Variants in PDS5A observed in about 807,000 individuals in gnomAD.
The protein encoded by PDS5A is PDS5 cohesin associated factor A, also known as sister chromatid cohesion protein PDS5 homolog A.
In PDS5A, 42 loss-of-function variants were observed where a neutral mutation model predicts 167.1. That is an observed-to-expected ratio of 0.25 (90% CI 0.20 to 0.33). PDS5A has a LOEUF of 0.33. Ranked by LOEUF, PDS5A falls within the 10% of genes least tolerant of loss-of-function variation. PDS5A has a pLI of 1.00. For missense variants in PDS5A, 1,033 were observed against 1,605.9 expected (o/e 0.64, Z 6.10); for synonymous variants, 553 against 554.6 (o/e 1.00, Z 0.04).
At chr4:39,912,338 T>C (rs1260036744) in intron 9 of PDS5A, among the ~76,000 whole-genome samples, 13 of 152,280 alleles carry the variant, frequency 8.5e-5, no homozygotes, top group South Asian at 2.1e-4. Context: ...AAGCCTTGCG[T>C]TTTTGCTTAA....
rs903861969 is a variant in PDS5A, at chr4:39,977,066, C to G, written c.-41+391G>C. Among the ~76,000 whole-genome samples the G allele has an allele frequency of 6.6e-6, 1 of 152,142 alleles. No homozygotes were observed. Among genetic ancestry groups the G allele is most frequent in the African/African-American group, 2.4e-5 (1 of 41,448 alleles). ...CCGCAAAACTAGGGACCCAGCGGACCCACGCGCAGCGGCGGCTGCCGGGAA... is the reference window on the plus strand; with the variant it reads ...CCGCAAAACTAGGGACCCAGCGGACGCACGCGCAGCGGCGGCTGCCGGGAA... On this transcript the variant is annotated intron_variant, in intron 1 of 32. Transcript: ENST00000303538. This position sits in a 1 kb window ranked among gnomAD's most constrained non-coding sequence, Gnocchi z 4.2.
chr4:39,862,408 C>A, intron 25 of PDS5A, 75 bp from the exon 26 acceptor site: 1 of 587,510 alleles, frequency 1.7e-6, no homozygotes, highest in Non-Finnish European at 3.0e-6. Flanking sequence ...CTTAAGTTTT[C>A]ATTTTTTCCC....
chr4:39,846,035 A>C, intron 28 of PDS5A, 155 bp from the exon 29 acceptor site: 2 of 612,558 alleles, frequency 3.3e-6, no homozygotes, highest in Non-Finnish European at 4.6e-6. Flanking sequence ...AATCAAAACA[A>C]TCAAAGCCAT....
chr4:39,922,779 T>G (rs560747497), intron 5 of PDS5A, 31 bp from the exon 6 acceptor site: 14 of 1,384,530 alleles, frequency 1.0e-5, no homozygotes, highest in South Asian at 3.8e-5. Flanking sequence ...GAATAAGTAG[T>G]AGGAGGAGGA....
chr4:39,908,623 TA>T (rs1283585234), intron 10 of PDS5A, 83 bp from the exon 11 acceptor site: 2 of 839,276 alleles, frequency 2.4e-6, no homozygotes, highest in Non-Finnish European at 3.8e-6. Flanking sequence ...AGAAATATGT[TA>T]AGTTTTTGTC....
intron 11 of PDS5A, 131 bp downstream of exon 11, chr4:39,908,264 G>T: frequency 1.3e-6 from 1 of 750,298 alleles, no homozygotes; most frequent in Non-Finnish European, 2.3e-6. Flanking sequence ...ATACAAATTA[G>T]GAGCTCTTTA....
At chr4:39,843,665 C>G (rs1042937066) in intron 30 of PDS5A, among the ~76,000 whole-genome samples, 2 of 152,144 alleles carry the variant, frequency 1.3e-5, no homozygotes, top group African/African-American at 4.8e-5. Flanking sequence ...CATCCCATCA[C>G]TGCACTCCAG....
intron 26 of PDS5A, 68 bp downstream of exon 26, chr4:39,862,151 C>T (rs1578625303): frequency 1.8e-6 from 1 of 540,864 alleles, no homozygotes; most frequent in South Asian, 3.7e-5. Context: ...AAATAATAAA[C>T]AAAAAATTTA....
intron 2 of PDS5A, among the ~76,000 whole-genome samples, chr4:39,957,548 G>A (rs766253205): frequency 6.4e-4 from 98 of 152,156 alleles, no homozygotes; most frequent in Non-Finnish European, 1.2e-3. Flanking sequence ...CACTTTGGGA[G>A]GCCAAAGAGG....
In PDS5A at chr4:39,922,768, A is replaced by AG; in HGVS notation, c.528-21dup. On this transcript the variant is annotated intron_variant, in intron 5 of 32. Coordinates refer to ENST00000303538, the MANE Select transcript of PDS5A (RefSeq NM_001100399.2). ...CTATTGCTATAAAAAAAAAAAAAAA[A>AG]GAATAAGTAGTAGGAGGAGGAAAAG... The AG allele has an allele frequency of 6.9e-7, 1 of 1,450,064 alleles. No individual in the cohort carries two copies. Among genetic ancestry groups the AG allele is most frequent in the Non-Finnish European group, 9.1e-7 (1 of 1,097,916 alleles). The allele number at this position is 1,450,064 out of a possible 1,614,324, so 89.8% of individuals were successfully genotyped here. A position where few individuals can be genotyped will look rare whatever the true frequency, so the allele number is the denominator to read the frequency against.
chr4:39,832,258 G>T (rs1715970544), intron 32 of PDS5A, among the ~76,000 whole-genome samples: 1 of 151,532 alleles, frequency 6.6e-6, no homozygotes, highest in Non-Finnish European at 1.5e-5. Context: ...CTGTCGCCCA[G>T]GCTGGAGTGC....
intron 11 of PDS5A, 122 bp from the exon 12 acceptor site, chr4:39,904,313 T>C (rs1339172554): frequency 9.8e-6 from 5 of 512,716 alleles, no homozygotes; most frequent in African/African-American, 4.0e-5. Flanking sequence ...TGGCACACTA[T>C]TTCTCTTCAA....
intron 22 of PDS5A, among the ~76,000 whole-genome samples, chr4:39,867,778 CA>C (rs1343030966): frequency 7.2e-6 from 1 of 139,036 alleles, no homozygotes; most frequent in Non-Finnish European, 1.6e-5. Context: ...ACACACACCC[CA>C]CAACTGTACT....
chr4:39,916,196 A>C (rs576397424), intron 8 of PDS5A, among the ~76,000 whole-genome samples: 378 of 75,664 alleles, frequency 5.0e-3, no homozygotes, highest in South Asian at 0.013. Flanking sequence ...CGTCTCAAAA[A>C]AACAACAACA....
chr4:39,959,817 G>C (rs532515476), intron 2 of PDS5A, among the ~76,000 whole-genome samples: 3 of 151,806 alleles, frequency 2.0e-5, no homozygotes, highest in African/African-American at 7.3e-5. Context: ...TAGGCCAGGC[G>C]TGGTGGTTCA....
chr4:39,840,874 C>A (rs1351169662), intron 31 of PDS5A, among the ~76,000 whole-genome samples: 2 of 152,004 alleles, frequency 1.3e-5, no homozygotes, highest in Admixed American at 6.6e-5. Context: ...CCTGTCTCGA[C>A]CTCTTGAGTA....
intron 2 of PDS5A, among the ~76,000 whole-genome samples, chr4:39,971,658 C>T (rs955631040): frequency 6.6e-6 from 1 of 152,078 alleles, no homozygotes; most frequent in African/African-American, 2.4e-5. Flanking sequence ...TGGGGTTTCA[C>T]CATGTTGGCC....
intron 2 of PDS5A, among the ~76,000 whole-genome samples, chr4:39,937,343 CAT>C (rs1031567376): frequency 1.4e-5 from 2 of 141,704 alleles, no homozygotes; most frequent in African/African-American, 4.9e-5. Flanking sequence ...TATTATATGT[CAT>C]ATAATTTAAA....
intron 31 of PDS5A, among the ~76,000 whole-genome samples, chr4:39,839,505 G>A (rs1174523266): frequency 1.3e-5 from 2 of 151,962 alleles, no homozygotes; most frequent in Admixed American, 1.3e-4. Context: ...GGAGGCGGAG[G>A]TTGCAGTAAG....
Sources: gnomAD v4.1 joint callset for allele counts (sites outside exome capture counted in the v4.1 genomes callset) on GRCh38, gnomAD v4.1.1 for gene constraint, Gnocchi (gnomAD v3.1) non-coding constraint, MANE v1.5 for transcripts, NCBI Gene and HGNC (gene_info 2026-07-23, HGNC 2026-07-21) for gene names.